Variants in UNC13C observed in about 807,000 individuals in gnomAD.
UNC13C encodes the protein protein unc-13 homolog C.
A neutral mutation model predicts 245.4 loss-of-function variants in UNC13C; 174 were observed. The observed-to-expected ratio is 0.71, with a 90% CI of 0.63 to 0.80. The LOEUF (loss-of-function observed/expected upper bound fraction) is 0.80, where lower values mean the gene tolerates loss of function less well. Among genes scored for constraint, UNC13C ranks in the 30% least tolerant of loss-of-function variants. The pLI, the probability that UNC13C is intolerant of heterozygous loss-of-function variation, is 0.00. For missense variants in UNC13C, 2,829 were observed against 2,602.9 expected (o/e 1.09, Z -1.89); for synonymous variants, 992 against 895.1 (o/e 1.11, Z -1.93).
chr15:53,940,862 C>T, the UNC13C span, among the ~76,000 whole-genome samples: 4,414 of 152,230 alleles, frequency 0.029, 235 homozygotes, highest in African/African-American at 0.1. Flanking sequence ...TAGAAATAAT[C>T]AATGTCATGA....
chr15:54,062,041 CG>C (rs1212810832), intron 2 of UNC13C, among the ~76,000 whole-genome samples: 1 of 151,980 alleles, frequency 6.6e-6, no homozygotes, highest in Non-Finnish European at 1.5e-5. Context: ...CATCCTCAGT[CG>C]GGCGTGGTGG....
chr15:53,938,812 G>T, the UNC13C span, among the ~76,000 whole-genome samples: 4 of 152,058 alleles, frequency 2.6e-5, no homozygotes, highest in South Asian at 2.1e-4. Context: ...ACTAATGAGA[G>T]CAAAGAATGT....
chr15:54,334,104 A>T (rs1041510906), intron 16 of UNC13C, among the ~76,000 whole-genome samples: 3 of 152,130 alleles, frequency 2.0e-5, no homozygotes, highest in African/African-American at 7.2e-5. Context: ...TGTCTTAGAG[A>T]AAGCTCTCTA....
the UNC13C span, among the ~76,000 whole-genome samples, chr15:53,886,817 C>T: frequency 6.6e-6 from 1 of 152,130 alleles, no homozygotes; most frequent in Non-Finnish European, 1.5e-5. Flanking sequence ...GAAATTGACA[C>T]TTTACCTCTG....
At chr15:54,369,327 C>T (rs1464001900) in intron 17 of UNC13C, among the ~76,000 whole-genome samples, 1 of 152,076 alleles carries the variant, frequency 6.6e-6, no homozygotes. Context: ...ACAACAAAAG[C>T]ATTGCCTTTG....
At chr15:54,616,884 C>T (rs1900472774) in intron 30 of UNC13C, among the ~76,000 whole-genome samples, 1 of 152,000 alleles carries the variant, frequency 6.6e-6, no homozygotes, top group African/African-American at 2.4e-5. Context: ...ATGGTAAGGG[C>T]CCAATATAGG....
intron 4 of UNC13C, among the ~76,000 whole-genome samples, chr15:54,157,639 C>T (rs1175987238): frequency 1.3e-5 from 2 of 152,082 alleles, no homozygotes; most frequent in African/African-American, 4.8e-5. Flanking sequence ...ACGGGCTACT[C>T]AAAGGGTTCT....
chr15:54,310,778 A>G (rs1340147326), intron 13 of UNC13C, among the ~76,000 whole-genome samples: 1 of 145,050 alleles, frequency 6.9e-6, no homozygotes, highest in Non-Finnish European at 1.5e-5. Context: ...ATCTATATCT[A>G]TATATATGTA....
chr15:54,457,572 C>T (rs371285358), intron 19 of UNC13C, among the ~76,000 whole-genome samples: 4 of 151,732 alleles, frequency 2.6e-5, no homozygotes, highest in South Asian at 4.1e-4. Context: ...TGCTCTGTTC[C>T]GAGTTTCTAT....
At chr15:54,295,649 T>A (rs78159815) in intron 11 of UNC13C, among the ~76,000 whole-genome samples, 3 of 141,328 alleles carry the variant, frequency 2.1e-5, no homozygotes, top group African/African-American at 8.2e-5. Context: ...TGAGACCTTG[T>A]AAAAAAAAAA....
intron 10 of UNC13C, among the ~76,000 whole-genome samples, chr15:54,283,648 C>A (rs956862465): frequency 6.6e-6 from 1 of 151,532 alleles, no homozygotes; most frequent in African/African-American, 2.4e-5. Context: ...AAGCAGTTAC[C>A]TGTAATTAAA....
chr15:53,943,139 T>A, the UNC13C span, among the ~76,000 whole-genome samples: 1 of 152,190 alleles, frequency 6.6e-6, no homozygotes, highest in African/African-American at 2.4e-5. Context: ...CATTCCAACC[T>A]CCATTTTAAT....
intron 2 of UNC13C, among the ~76,000 whole-genome samples, chr15:54,051,660 A>ATTTT (rs1008295752): frequency 1.8e-4 from 27 of 150,162 alleles, no homozygotes; most frequent in African/African-American, 5.9e-4. Flanking sequence ...TTATTTATTT[A>ATTTT]TTTATTTTAA....
chr15:54,623,877 TG>T lies in UNC13C; in HGVS notation c.6284del (p.Gly2095GlufsTer57). On this transcript the variant is annotated frameshift_variant, in exon 32 of 33. Transcript: ENST00000260323. LOFTEE classifies it high-confidence loss of function. ...AAGTTTGTATACTGGGACCCAACCT[TG>T]GAGACAAGAAGAGAAAACAAGGCAC... ...VEVCILGPNL[G>X]DKKRKQGTKT... 1.2e-6 allele frequency: 2 copies of T among 1,613,210 alleles called. No homozygotes were observed. The highest frequency in any genetic ancestry group is 1.7e-6 in the Non-Finnish European group (2 of 1,179,482).
intron 7 of UNC13C, among the ~76,000 whole-genome samples, chr15:54,239,249 G>C (rs773744745): frequency 6.6e-5 from 10 of 151,804 alleles, no homozygotes; most frequent in Non-Finnish European, 1.3e-4. Context: ...TTCTGTCATT[G>C]TCATCTTTCA....
chr15:53,981,033 G>T (rs1046259542), intron 1 of UNC13C, among the ~76,000 whole-genome samples: 8 of 152,160 alleles, frequency 5.3e-5, no homozygotes, highest in African/African-American at 1.9e-4. Context: ...TGGGAGGAAG[G>T]TCAGTGCAGA....
intron 19 of UNC13C, among the ~76,000 whole-genome samples, chr15:54,476,042 A>G (rs1416945445): frequency 8.8e-6 from 1 of 114,062 alleles, no homozygotes; most frequent in Non-Finnish European, 1.8e-5. Flanking sequence ...TTTGATTTGC[A>G]TTTCTCTGAT....
Position 54,277,743 on chromosome 15 carries a change from A to G in UNC13C, c.3818+12247A>G, listed in dbSNP as rs191329088. On this transcript the variant is annotated intron_variant, in intron 10 of 32. Coordinates refer to ENST00000260323, the MANE Select transcript of UNC13C (RefSeq NM_001080534.3). The stretch of plus-strand genomic sequence containing the variant: ...CCTTGCTTTGTTCCAAGGATGAATT[A>G]AAACAAATAATTCAGTTGTATTTTT... Among the ~76,000 whole-genome samples, 559 of 152,330 alleles carry G rather than the reference A, an allele frequency of 3.7e-3. 5 individuals are homozygous for G. Among genetic ancestry groups the G allele is most frequent in the African/African-American group, 0.013 (533 of 41,574 alleles).
intron 13 of UNC13C, among the ~76,000 whole-genome samples, chr15:54,317,340 T>A (rs994243): frequency 0.65 from 99,276 of 151,694 alleles, 32,589 homozygotes; most frequent in South Asian, 0.79. Context: ...CCTGAATTAT[T>A]CAAATTTTCA....
Sources: allele counts gnomAD v4.1 joint callset (sites outside exome capture counted in the v4.1 genomes callset), GRCh38; gene constraint gnomAD v4.1.1; transcripts MANE v1.5; gene names NCBI Gene and HGNC (gene_info 2026-07-23, HGNC 2026-07-21).